The following PRKN variants were observed in gnomAD, a reference collection of about 807,000 sequenced individuals.
The protein encoded by PRKN is parkin RBR E3 ubiquitin protein ligase.
PRKN carries 56 observed loss-of-function variants against 59.5 expected under a neutral mutation model. The observed-to-expected ratio is 0.94, with a 90% CI of 0.76 to 1.18. The LOEUF (loss-of-function observed/expected upper bound fraction) is 1.18. Among genes scored for constraint, PRKN ranks in the 50% most tolerant of loss-of-function variants. PRKN has a pLI of 0.00. For missense variants in PRKN, 657 were observed against 596.4 expected (o/e 1.10, Z -1.06); for synonymous variants, 250 against 222.1 (o/e 1.13, Z -1.12).
chr6:161,386,671 T>A lies in PRKN; in HGVS notation c.1167+123A>T, dbSNP rs1191463249. On this transcript the variant is annotated intron_variant, in intron 10 of 11. Transcript: ENST00000366898. This position sits in a 1 kb window ranked among gnomAD's most constrained non-coding sequence, Gnocchi z 4.3. The stretch of plus-strand genomic sequence containing the variant: ...GAAGCCACGGCCCCATTCCCATGGC[T>A]GTCAGCTACCAGTCTGCTTCTTGCT... The A allele has an allele frequency of 6.2e-6, 5 of 809,076 alleles. No individual in the cohort carries two copies. In the East Asian group the frequency reaches 1.2e-4, roughly 20 times the overall value. The allele number at this position is 809,076 out of a possible 1,614,324, so 50.1% of individuals were successfully genotyped here.
intron 6 of PRKN, among the ~76,000 whole-genome samples, chr6:161,891,804 C>T (rs532346241): frequency 1.3e-5 from 2 of 152,162 alleles, no homozygotes; most frequent in Non-Finnish European, 2.9e-5. Context: ...CTAATTATAG[C>T]TCTTGGGATA....
intron 7 of PRKN, among the ~76,000 whole-genome samples, chr6:161,689,151 G>A (rs192467481): frequency 2.0e-5 from 3 of 149,626 alleles, no homozygotes; most frequent in African/African-American, 7.4e-5. Context: ...GTTTTGCCTT[G>A]TTGTTTGCTT....
At chr6:162,304,570 T>C (rs1487221097) in intron 2 of PRKN, among the ~76,000 whole-genome samples, 1 of 150,416 alleles carries the variant, frequency 6.6e-6, no homozygotes, top group Admixed American at 6.6e-5. Flanking sequence ...CATTTATCTA[T>C]CTATCCATCT....
chr6:162,620,549 G>T (rs1782621547), intron 1 of PRKN, among the ~76,000 whole-genome samples: 1 of 152,154 alleles, frequency 6.6e-6, no homozygotes, highest in Non-Finnish European at 1.5e-5. Flanking sequence ...TGCTGCATAA[G>T]AAAGAGTTTT....
chr6:161,502,018 G>A lies in PRKN; in HGVS notation c.1083+46836C>T, dbSNP rs1052523444. ...TGAGAGAGAAAGTCTGCATGTCTTA[G>A]TTATCAGCCATGTGAGAAGGAATAC... On this transcript the variant is annotated intron_variant, in intron 9 of 11. Coordinates refer to ENST00000366898, the MANE Select transcript of PRKN (RefSeq NM_004562.3). This position sits in a 1 kb window ranked among gnomAD's most constrained non-coding sequence, Gnocchi z 4.0. Among the ~76,000 whole-genome samples, 3 of 152,152 alleles carry A rather than the reference G, an allele frequency of 2.0e-5. No individual in the cohort carries two copies. Among genetic ancestry groups the A allele is most frequent in the Admixed American group, 6.5e-5 (1 of 15,284 alleles).
At chr6:161,826,859 A>G (rs1396601839) in intron 6 of PRKN, among the ~76,000 whole-genome samples, 5 of 152,210 alleles carry the variant, frequency 3.3e-5, no homozygotes, top group Non-Finnish European at 7.3e-5. Flanking sequence ...AGCCTCCCAA[A>G]CAGGAAGACT....
In PRKN at chr6:162,180,823, C is replaced by T. The variant is rs929692586; in HGVS notation, c.534+20308G>A. ...ACAACAGGGAACAGTGGGCTCCCCT[C>T]CCTCCTGTATCTCAATGACTGGGCA... On this transcript the variant is annotated intron_variant, in intron 4 of 11. Transcript: ENST00000366898. Among the ~76,000 whole-genome samples, 6 of 152,270 alleles carry T rather than the reference C, an allele frequency of 3.9e-5. No individual in the cohort carries two copies. In the South Asian group the frequency reaches 1.2e-3, roughly 32 times the overall value.
At chr6:161,681,453 C>CTT (rs111558346) in intron 7 of PRKN, among the ~76,000 whole-genome samples, 2 of 147,102 alleles carry the variant, frequency 1.4e-5, no homozygotes, top group Non-Finnish European at 3.0e-5. Context: ...CCAAGTAAAT[C>CTT]TTTTTTTTTT....
rs3066554 is a variant in PRKN, at chr6:161,678,216, C to CTTTTTTTTT, written c.871+107547_871+107555dup. On this transcript the variant is annotated intron_variant, in intron 7 of 11. Transcript: ENST00000366898. ...TTATGGTAATAACAATACTGAATCA[C>CTTTTTTTTT]TTTTTTTTTTTTTTTTTTTTTTTTT... Among the ~76,000 whole-genome samples, 125 of 64,950 alleles carry CTTTTTTTTT rather than the reference C, an allele frequency of 1.9e-3. 22 individuals carry two copies. Among genetic ancestry groups the CTTTTTTTTT allele is most frequent in the African/African-American group, 5.8e-3 (73 of 12,694 alleles). 42.6% of individuals were successfully genotyped at this position (64,950 alleles called of 152,430 possible).
At position 162,125,112 on chromosome 6, in the gene PRKN, T is replaced by C. The variant is rs116688035; in HGVS notation, c.535-70938A>G. Among the ~76,000 whole-genome samples the C allele has an allele frequency of 2.3e-3, 352 of 152,328 alleles. 1 individual carries two copies. Among genetic ancestry groups the C allele is most frequent in the African/African-American group, 8.1e-3 (337 of 41,568 alleles). On this transcript the variant is annotated intron_variant, in intron 4 of 11. Transcript: ENST00000366898. ...AGCTGTCCTGTGGGAATGTGACACG[T>C]AGTCCTCAGTTCTGATTTAATAAGA...
intron 7 of PRKN, among the ~76,000 whole-genome samples, chr6:161,733,798 G>GTATGTA: frequency 8.2e-6 from 1 of 122,380 alleles, no homozygotes; most frequent in East Asian, 2.3e-4. Context: ...ATATATATAT[G>GTATGTA]TATATATATA....
At chr6:161,699,203 C>T (rs528714892) in intron 7 of PRKN, among the ~76,000 whole-genome samples, 2 of 152,178 alleles carry the variant, frequency 1.3e-5, no homozygotes, top group East Asian at 1.9e-4. Context: ...AAATTTAAAA[C>T]ATGAAGCATA....
rs1794524333 is a variant in PRKN, at chr6:161,874,231, A to ATTATATATTATATATATTATATG, written c.735-88324_735-88323insCATATAATATATATAATATATAA. 4.0e-4 allele frequency among the ~76,000 whole-genome samples: 4 copies of ATTATATATTATATATATTATATG among 10,108 alleles called. 1 individual carries two copies. Among genetic ancestry groups the ATTATATATTATATATATTATATG allele is most frequent in the African/African-American group, 9.4e-4 (4 of 4,262 alleles). 6.6% of individuals were successfully genotyped at this position (10,108 alleles called of 152,430 possible). On this transcript the variant is annotated intron_variant, in intron 6 of 11. Transcript: ENST00000366898. ...ATGTAAAATATAATATATATTATAT[A>ATTATATATTATATATATTATATG]TAATATATAATATATAATATATATT...
chr6:162,635,077 A>T (rs1777656807), intron 1 of PRKN, among the ~76,000 whole-genome samples: 1 of 152,204 alleles, frequency 6.6e-6, no homozygotes, highest in African/African-American at 2.4e-5. Context: ...ACCAAAGAAC[A>T]AAGTATCTTT....
intron 2 of PRKN, among the ~76,000 whole-genome samples, chr6:162,339,645 C>G (rs55787840): frequency 0.12 from 17,843 of 151,744 alleles, 1,123 homozygotes; most frequent in Middle Eastern, 0.18. Context: ...GTGTACCCAA[C>G]AGCTCATTGA....
At position 161,785,806 on chromosome 6, in the gene PRKN, G is replaced by T. The variant is rs149433924; in HGVS notation, c.837C>A (p.His279Gln). Residue 279 changes from histidine to glutamine, a missense_variant, in exon 7 of 12, where the codon CAC becomes CAA. Physicochemically the swap from His to Gln is conservative, Grantham distance 24. Transcript: ENST00000366898. ...VTRLNDRQFV[H>Q]DPQLGYSLPC... The stretch of plus-strand genomic sequence containing the variant: ...GCAGGGAGTAGCCAAGTTGAGGGTC[G>T]TGAACAAACTGCCGATCATTGAGTC... 6.2e-7 allele frequency: 1 copy of T among 1,614,038 alleles called. No individual in the cohort carries two copies. The highest frequency in any genetic ancestry group is 1.7e-5 in the Admixed American group (1 of 60,008).
intron 3 of PRKN, among the ~76,000 whole-genome samples, chr6:162,229,982 C>T (rs1430561581): frequency 6.6e-6 from 1 of 152,096 alleles, no homozygotes; most frequent in Admixed American, 6.5e-5. Context: ...TACTTAGAAC[C>T]ACTCCGCCAC....
At chr6:162,104,619 G>C (rs920246073) in intron 4 of PRKN, among the ~76,000 whole-genome samples, 2 of 151,048 alleles carry the variant, frequency 1.3e-5, no homozygotes, top group African/African-American at 4.9e-5. Context: ...AAATAAGAAT[G>C]AAATGCAGCC....
chr6:162,377,151 A>G (rs1176125747), intron 2 of PRKN, among the ~76,000 whole-genome samples: 9 of 152,210 alleles, frequency 5.9e-5, no homozygotes, highest in Admixed American at 5.9e-4. Flanking sequence ...GCATCCATAC[A>G]GTTAGCCAAT....
Sources: gnomAD v4.1 joint callset for allele counts (sites outside exome capture counted in the v4.1 genomes callset) on GRCh38, gnomAD v4.1.1 for gene constraint, Gnocchi (gnomAD v3.1) non-coding constraint, MANE v1.5 for transcripts, NCBI Gene and HGNC (gene_info 2026-07-23, HGNC 2026-07-21) for gene names.